Variants in NBEA observed in about 807,000 individuals in gnomAD.
NBEA encodes neurobeachin.
Under a neutral mutation model 343.4 loss-of-function variants are expected in NBEA, and 44 were observed. That is an observed-to-expected ratio of 0.13 (90% CI 0.10 to 0.16). The LOEUF is 0.16. Ranked by LOEUF, NBEA falls within the 10% of genes least tolerant of loss-of-function variation. The probability of loss-of-function intolerance (pLI) is 1.00; values close to 1 mark genes in which losing one functional copy is unlikely to be tolerated. For synonymous variants in NBEA, 1,175 were observed against 1,238.7 expected (o/e 0.95, Z 1.08); for missense variants, 2,555 against 3,631.3 (o/e 0.70, Z 7.62).
intron 41 of NBEA, chr13:35,474,794 G>T (rs2075790093): frequency 9.5e-6 from 4 of 422,472 alleles, no homozygotes; most frequent in Non-Finnish European, 1.7e-5. Flanking sequence ...GGAGTGTTAC[G>T]GTGTACTTTT....
chr13:35,459,395 G>A (rs533129661), intron 40 of NBEA, among the ~76,000 whole-genome samples: 1 of 151,856 alleles, frequency 6.6e-6, no homozygotes, highest in African/African-American at 2.4e-5. Flanking sequence ...CTTCCTAAAT[G>A]TCTTTTTGAA....
At chr13:34,996,360 C>T (rs150025630) in intron 1 of NBEA, among the ~76,000 whole-genome samples, 2 of 152,042 alleles carry the variant, frequency 1.3e-5, no homozygotes, top group African/African-American at 2.4e-5. Flanking sequence ...TAGATACTTG[C>T]CACCTTATAT....
chr13:35,238,811 TACTC>T (rs1444372149), intron 34 of NBEA, among the ~76,000 whole-genome samples: 32 of 152,152 alleles, frequency 2.1e-4, no homozygotes, highest in African/African-American at 7.0e-4. Context: ...AATCATATAA[TACTC>T]AAGAATATTT....
intron 23 of NBEA, among the ~76,000 whole-genome samples, chr13:35,162,465 T>G (rs962157409): frequency 6.6e-6 from 1 of 152,124 alleles, no homozygotes; most frequent in Non-Finnish European, 1.5e-5. Flanking sequence ...GGATTCAAGG[T>G]GGCTGCTTCA....
chr13:35,551,622 C>T (rs1302830669), intron 43 of NBEA, among the ~76,000 whole-genome samples: 2 of 151,972 alleles, frequency 1.3e-5, no homozygotes, highest in African/African-American at 4.8e-5. Context: ...GTTTTTGGCT[C>T]GAAATAACTG....
At chr13:35,250,800 T>C (rs1331239813) in intron 34 of NBEA, among the ~76,000 whole-genome samples, 1 of 152,262 alleles carries the variant, frequency 6.6e-6, no homozygotes, top group Non-Finnish European at 1.5e-5. Context: ...TTAAATGGTA[T>C]ACTATGCAGT....
chr13:35,356,601 T>G (rs544922357), intron 38 of NBEA, among the ~76,000 whole-genome samples: 2 of 152,260 alleles, frequency 1.3e-5, no homozygotes, highest in Admixed American at 6.5e-5. Flanking sequence ...AAAATATTCT[T>G]CCATATTAGA....
chr13:35,541,385 A>G (rs919126951), intron 41 of NBEA, among the ~76,000 whole-genome samples: 5 of 152,012 alleles, frequency 3.3e-5, no homozygotes, highest in Non-Finnish European at 7.4e-5. Flanking sequence ...GCTGATAAAT[A>G]TTTGTTAAAT....
At chr13:35,288,288 G>A (rs1401418183) in intron 34 of NBEA, among the ~76,000 whole-genome samples, 1 of 151,856 alleles carries the variant, frequency 6.6e-6, no homozygotes, top group Non-Finnish European at 1.5e-5. Flanking sequence ...AAGTGATTAT[G>A]TAATTTTTGA....
rs2038383322 is a variant in NBEA at position 35,324,232 on chromosome 13, A to G, written c.5903+14640A>G. 2.6e-5 allele frequency among the ~76,000 whole-genome samples: 4 copies of G among 152,366 alleles called. No homozygotes were observed. The South Asian group carries it at 8.3e-4, about 32-fold the overall frequency. ...TAAGATGAGCAGGACAGATAGGACA[A>G]GAATACAGGCATGACCTGTGTCATA... On this transcript the variant is annotated intron_variant, in intron 36 of 58. Transcript: ENST00000379939.
chr13:35,319,706 C>T (rs559617986), intron 36 of NBEA, among the ~76,000 whole-genome samples: 12 of 152,100 alleles, frequency 7.9e-5, no homozygotes, highest in Non-Finnish European at 1.2e-4. Context: ...AAGTCTCCCA[C>T]TATTATTGCG....
chr13:35,380,564 C>A (rs1398430021), intron 38 of NBEA, among the ~76,000 whole-genome samples: 4 of 152,096 alleles, frequency 2.6e-5, no homozygotes, highest in Non-Finnish European at 4.4e-5. Context: ...TAAAAAATAT[C>A]ATTTTTAAAA....
In NBEA at chr13:35,126,389, A is replaced by G. The variant is rs1402583044; in HGVS notation, c.2336+2815A>G. 5.3e-5 allele frequency among the ~76,000 whole-genome samples: 8 copies of G among 152,286 alleles called. No homozygotes were observed. The East Asian group carries it at 1.5e-3, about 29-fold the overall frequency. ...GCAGCATGAGAATGGACTAACACAG[A>G]TAGCATGGAAGTATTTAATTATGAG... On this transcript the variant is annotated intron_variant, in intron 17 of 58. Transcript: ENST00000379939.
intron 1 of NBEA, among the ~76,000 whole-genome samples, chr13:35,031,991 T>C (rs903757562): frequency 3.3e-5 from 5 of 151,860 alleles, no homozygotes; most frequent in Non-Finnish European, 5.9e-5. Context: ...TGTTCCTTTT[T>C]ATGGCTGCAT....
At position 35,432,382 on chromosome 13, in the gene NBEA, C is replaced by T; in HGVS notation, c.6293C>T (p.Ala2098Val). The T allele has an allele frequency of 6.2e-7, 1 of 1,605,586 alleles. No individual in the cohort carries two copies. The highest frequency in any genetic ancestry group is 1.3e-5 in the African/African-American group (1 of 74,728). ...CATGCTGAAGCATTGCTGAAAGCTG[C>T]AATAGAATATGGTTAGTACCAATGC... is the stretch of plus-strand genomic sequence containing the variant. ...STHAEALLKA[A>V]IEYGTEEDVV... The change falls in exon 39 of 59, where the codon GCA (alanine) becomes GTA (valine). Residue 2098 changes from alanine (A) to valine (V), a missense_variant. Ala to Val is a moderately conservative substitution (Grantham distance 64, BLOSUM62 0). This residue lies in a region of NBEA where 246 missense variants were observed against 313.7 expected (regional missense o/e 0.78). Transcript: ENST00000379939.
intron 41 of NBEA, among the ~76,000 whole-genome samples, chr13:35,490,925 A>G (rs577931120): frequency 6.6e-6 from 1 of 152,056 alleles, no homozygotes; most frequent in South Asian, 2.1e-4. Flanking sequence ...TTTCTTAGTC[A>G]TCATATAGAA....
chr13:35,653,590 C>A (rs1408380271), intron 53 of NBEA, among the ~76,000 whole-genome samples: 1 of 152,160 alleles, frequency 6.6e-6, no homozygotes, highest in Non-Finnish European at 1.5e-5. Context: ...CTGGCCCTCC[C>A]AGAGTCCTGG....
chr13:35,427,665 G>C (rs2044787214), intron 38 of NBEA, among the ~76,000 whole-genome samples: 1 of 152,202 alleles, frequency 6.6e-6, no homozygotes, highest in Non-Finnish European at 1.5e-5. Context: ...AAAGCTGTCA[G>C]ACAGGGACAT....
At chr13:35,005,196 A>G (rs2061276118) in intron 1 of NBEA, among the ~76,000 whole-genome samples, 1 of 149,430 alleles carries the variant, frequency 6.7e-6, no homozygotes, top group Admixed American at 6.7e-5. Flanking sequence ...AGAAACAGAC[A>G]TACGTTTGGC....
Sources: allele counts gnomAD v4.1 joint callset (sites outside exome capture counted in the v4.1 genomes callset), GRCh38; gene constraint gnomAD v4.1.1; regional missense constraint gnomAD v4.1.1; transcripts MANE v1.5; gene names NCBI Gene and HGNC (gene_info 2026-07-23, HGNC 2026-07-21).